FBXL13: variants seen among roughly 807,000 people sequenced by gnomAD.
FBXL13 encodes the protein F-box and leucine rich repeat protein 13.
In FBXL13, 67 loss-of-function variants were observed where a neutral mutation model predicts 83.6. That is an observed-to-expected ratio of 0.80 (90% CI 0.66 to 0.98). FBXL13 has a LOEUF of 0.98. Ranked by LOEUF, FBXL13 falls within the 50% of genes least tolerant of loss-of-function variation. The pLI, the probability that FBXL13 is intolerant of heterozygous loss-of-function variation, is 0.00. For synonymous variants in FBXL13, 272 were observed against 299.5 expected (o/e 0.91, Z 0.95); for missense variants, 822 against 866.5 (o/e 0.95, Z 0.64).
At chr7:102,833,623 G>T (rs868485854) in intron 17 of FBXL13, among the ~76,000 whole-genome samples, 1 of 150,528 alleles carries the variant, frequency 6.6e-6, no homozygotes, top group Non-Finnish European at 1.5e-5. Flanking sequence ...GTAGAGATGG[G>T]GTTTCTCTAG....
chr7:102,831,619 T>C (rs1320696172), intron 18 of FBXL13, among the ~76,000 whole-genome samples: 1 of 152,146 alleles, frequency 6.6e-6, no homozygotes, highest in Non-Finnish European at 1.5e-5. Context: ...TCTCCCTTAT[T>C]TTCATCCCCA....
intron 10 of FBXL13, among the ~76,000 whole-genome samples, chr7:102,918,483 A>C (rs1271917503): frequency 6.6e-6 from 1 of 152,230 alleles, no homozygotes; most frequent in African/African-American, 2.4e-5. Context: ...TTGAAAATAA[A>C]TATGTTTTAA....
exon 16 of FBXL13, chr7:102,877,589 G>A (rs1188417254): frequency 1.2e-6 from 2 of 1,604,662 alleles, no homozygotes; most frequent in Admixed American, 1.7e-5. Flanking sequence ...TTTAAATTAG[G>A]GCAGCTAAAA....
intron 16 of FBXL13, among the ~76,000 whole-genome samples, chr7:102,856,339 C>T (rs1321401522): frequency 6.6e-6 from 1 of 152,128 alleles, no homozygotes; most frequent in African/African-American, 2.4e-5. Flanking sequence ...TGTTTGAACA[C>T]AAATATCAAG....
intron 8 of FBXL13, among the ~76,000 whole-genome samples, chr7:102,953,235 T>C (rs1344192672): frequency 1.3e-5 from 2 of 152,044 alleles, no homozygotes; most frequent in East Asian, 1.9e-4. Context: ...CTTTTAAATA[T>C]AGATGCAAAT....
downstream of FBXL13, chr7:102,813,122 GAGCCACCGCTCC>G: frequency 4.1e-6 from 2 of 488,590 alleles, no homozygotes; most frequent in Non-Finnish European, 7.1e-6. Context: ...TTACAGGTGT[GAGCCACCGCTCC>G]TGGCCTGGCT....
At chr7:102,932,294 A>G (rs1819333999) in intron 8 of FBXL13, among the ~76,000 whole-genome samples, 1 of 152,202 alleles carries the variant, frequency 6.6e-6, no homozygotes, top group South Asian at 2.1e-4. Context: ...ACATTTTATT[A>G]TGAACATTTT....
intron 6 of FBXL13, among the ~76,000 whole-genome samples, chr7:103,024,043 G>C (rs963915635): frequency 6.6e-6 from 1 of 151,688 alleles, no homozygotes; most frequent in African/African-American, 2.4e-5. Flanking sequence ...TAACCTGGGT[G>C]ACAAAATATA....
intron 6 of FBXL13, chr7:102,973,590 A>G: frequency 1.3e-6 from 1 of 765,740 alleles, no homozygotes; most frequent in Non-Finnish European, 2.4e-6. Context: ...CACTCTCAAG[A>G]GTTTGAACGG....
At chr7:102,923,609 T>A (rs1584957278) in intron 10 of FBXL13, among the ~76,000 whole-genome samples, 1 of 149,444 alleles carries the variant, frequency 6.7e-6, no homozygotes, top group Admixed American at 6.7e-5. Flanking sequence ...GATCACGAGG[T>A]CAGGAGTTCA....
intron 19 of FBXL13, among the ~76,000 whole-genome samples, chr7:102,819,014 C>T (rs1798423611): frequency 1.3e-5 from 2 of 152,084 alleles, no homozygotes; most frequent in African/African-American, 4.8e-5. Flanking sequence ...CATGTGTTGT[C>T]ATCATTTAGC....
intron 6 of FBXL13, among the ~76,000 whole-genome samples, chr7:103,016,500 C>T (rs185987771): frequency 9.2e-5 from 14 of 152,098 alleles, no homozygotes; most frequent in African/African-American, 3.4e-4. Context: ...GTGCAGCCCA[C>T]CGAGCGAGAG....
chr7:102,964,404 A>ATATATATAT (rs796873670), intron 7 of FBXL13, among the ~76,000 whole-genome samples: 2 of 143,268 alleles, frequency 1.4e-5, no homozygotes, highest in East Asian at 4.1e-4. Flanking sequence ...ATATATATAT[A>ATATATATAT]TTTTTTTTTT....
intron 17 of FBXL13, among the ~76,000 whole-genome samples, chr7:102,833,246 T>C (rs1378460857): frequency 6.6e-6 from 1 of 152,162 alleles, no homozygotes; most frequent in Non-Finnish European, 1.5e-5. Flanking sequence ...GTTTGACTCA[T>C]ATGGTCAGTA....
At chr7:103,019,233 T>C (rs1563227150) in intron 6 of FBXL13, among the ~76,000 whole-genome samples, 1 of 152,150 alleles carries the variant, frequency 6.6e-6, no homozygotes, top group Non-Finnish European at 1.5e-5. Context: ...ACTGGGTACA[T>C]AATGAAATGA....
intron 6 of FBXL13, among the ~76,000 whole-genome samples, chr7:102,998,797 T>C (rs1585295769): frequency 1.3e-5 from 2 of 151,820 alleles, no homozygotes; most frequent in African/African-American, 2.4e-5. Context: ...CAAAACTCCA[T>C]CTCTACAAAT....
chr7:102,972,840 T>G (rs1289869790), intron 6 of FBXL13, among the ~76,000 whole-genome samples: 1 of 152,034 alleles, frequency 6.6e-6, no homozygotes, highest in Admixed American at 6.5e-5. Context: ...CAAAAATTTT[T>G]TATTCCTAAA....
chr7:103,024,135 AAGAGAGAGAGAGAGAGAGAGAG>A (rs59206823), intron 6 of FBXL13, among the ~76,000 whole-genome samples: 1,412 of 96,714 alleles, frequency 0.015, 41 homozygotes, highest in African/African-American at 0.042. Context: ...AAAAGTTAAA[AAGAGAGAGAGAGAGAGAGAGAG>A]AGAGAGAGAG....
chr7:102,855,681 T>C (rs1176907444), intron 16 of FBXL13, among the ~76,000 whole-genome samples: 1 of 148,936 alleles, frequency 6.7e-6, no homozygotes, highest in South Asian at 2.2e-4. Context: ...CATTCTATGA[T>C]TCCAGGGCTG....
Sources: gnomAD v4.1 joint callset for allele counts (sites outside exome capture counted in the v4.1 genomes callset) on GRCh38, gnomAD v4.1.1 for gene constraint, MANE v1.5 for transcripts, NCBI Gene and HGNC (gene_info 2026-07-23, HGNC 2026-07-21) for gene names.